Variants in TEAD1 observed in about 807,000 individuals in gnomAD.
The protein encoded by TEAD1 is TEA domain transcription factor 1.
TEAD1 carries 9 observed loss-of-function variants against 54.9 expected under a neutral mutation model. The observed-to-expected ratio is 0.16, with a 90% CI of 0.10 to 0.29. TEAD1 has a LOEUF of 0.29. TEAD1 is among the 10% of genes least tolerant of loss of function. The pLI, the probability that TEAD1 is intolerant of heterozygous loss-of-function variation, is 1.00. For missense variants in TEAD1, 387 were observed against 535.9 expected (o/e 0.72, Z 2.74); for synonymous variants, 200 against 187.8 (o/e 1.07, Z -0.53).
At chr11:12,907,494 CCTTT>C (rs1343766788) in intron 10 of TEAD1, among the ~76,000 whole-genome samples, 12 of 152,102 alleles carry the variant, frequency 7.9e-5, no homozygotes, top group African/African-American at 2.4e-4. Flanking sequence ...TTACTCATTT[CCTTT>C]CTATTTCTTT....
intron 6 of TEAD1, 31 bp downstream of exon 6, chr11:12,879,873 G>T: frequency 6.2e-7 from 1 of 1,611,932 alleles, no homozygotes. Flanking sequence ...AGTAATGACA[G>T]CTGCTGGGGT....
At chr11:12,852,534 G>A (rs944990312) in intron 3 of TEAD1, among the ~76,000 whole-genome samples, 6 of 148,532 alleles carry the variant, frequency 4.0e-5, no homozygotes, top group Non-Finnish European at 8.9e-5. Flanking sequence ...TGCAACCTCC[G>A]CCCCCTTGGT....
At chr11:12,752,312 T>C (rs1564928370) in intron 2 of TEAD1, among the ~76,000 whole-genome samples, 1 of 150,218 alleles carries the variant, frequency 6.7e-6, no homozygotes. Context: ...ATCATCAATA[T>C]TGAGTCCCTT....
intron 2 of TEAD1, among the ~76,000 whole-genome samples, chr11:12,743,811 C>A (rs527859025): frequency 1.3e-5 from 2 of 152,324 alleles, no homozygotes; most frequent in Admixed American, 1.3e-4. Context: ...GGCATTGGCA[C>A]AGTAGAAACT....
intron 3 of TEAD1, among the ~76,000 whole-genome samples, chr11:12,814,777 C>CTGTGTGTGTG (rs397842274): frequency 2.9e-4 from 31 of 106,220 alleles, no homozygotes; most frequent in African/African-American, 9.2e-4. Flanking sequence ...TCGCAGAGCT[C>CTGTGTGTGTG]TGTGTGTGTG....
At chr11:12,719,420 T>C (rs1944132768) in intron 2 of TEAD1, among the ~76,000 whole-genome samples, 1 of 152,102 alleles carries the variant, frequency 6.6e-6, no homozygotes, top group Admixed American at 6.6e-5. Flanking sequence ...CCGCTTTTGC[T>C]CCACCTCATG....
At chr11:12,769,112 C>T (rs1385583399) in intron 3 of TEAD1, among the ~76,000 whole-genome samples, 1 of 152,134 alleles carries the variant, frequency 6.6e-6, no homozygotes, top group African/African-American at 2.4e-5. Flanking sequence ...TCTCCTTTTG[C>T]AAGCAGATGT....
At chr11:12,809,379 T>G (rs1946244354) in intron 3 of TEAD1, among the ~76,000 whole-genome samples, 1 of 152,180 alleles carries the variant, frequency 6.6e-6, no homozygotes, top group Non-Finnish European at 1.5e-5. Flanking sequence ...CCCATTGCTG[T>G]CCCCATTGAC....
intron 5 of TEAD1, among the ~76,000 whole-genome samples, chr11:12,876,913 C>A (rs1947863912): frequency 6.6e-6 from 1 of 152,156 alleles, no homozygotes; most frequent in South Asian, 2.1e-4. Flanking sequence ...CAGGTAAAGC[C>A]ACAGAATAGC....
intron 2 of TEAD1, among the ~76,000 whole-genome samples, chr11:12,738,963 CTGTGGAA>C (rs1564923561): frequency 6.6e-6 from 1 of 152,106 alleles, no homozygotes; most frequent in African/African-American, 2.4e-5. Flanking sequence ...GGGCATGGTG[CTGTGGAA>C]ACAGGCACAG....
chr11:12,842,980 A>G (rs1947071511), intron 3 of TEAD1, among the ~76,000 whole-genome samples: 1 of 152,184 alleles, frequency 6.6e-6, no homozygotes, highest in African/African-American at 2.4e-5. Context: ...TTCTAATTTC[A>G]CTAAACTAAC....
chr11:12,937,233 T>C lies in TEAD1; in HGVS notation c.*11T>C. On this transcript the variant is annotated 3_prime_UTR_variant, in exon 13 of 13. Coordinates refer to ENST00000527636, the MANE Select transcript of TEAD1 (RefSeq NM_021961.6). ...CTTGTAAAGGACTGAACATGGTTAT[T>C]TATATATATAGATATCTGTATATAC... The C allele has an allele frequency of 6.4e-7, 1 of 1,561,740 alleles. No individual in the cohort carries two copies. The highest frequency in any genetic ancestry group is 8.8e-7 in the Non-Finnish European group (1 of 1,133,668).
intron 2 of TEAD1, among the ~76,000 whole-genome samples, chr11:12,727,252 A>G (rs1206288670): frequency 6.6e-6 from 1 of 152,162 alleles, no homozygotes; most frequent in Non-Finnish European, 1.5e-5. Context: ...AAATGAGTCT[A>G]CTAGAAACTG....
intron 9 of TEAD1, among the ~76,000 whole-genome samples, chr11:12,883,831 G>T (rs942207383): frequency 1.3e-5 from 2 of 152,012 alleles, no homozygotes; most frequent in African/African-American, 4.8e-5. Flanking sequence ...GGCCAACATG[G>T]TGAAACCCCG....
intron 3 of TEAD1, among the ~76,000 whole-genome samples, chr11:12,798,893 G>T (rs1309570165): frequency 6.6e-6 from 1 of 152,164 alleles, no homozygotes; most frequent in Non-Finnish European, 1.5e-5. Flanking sequence ...TCCACGAATT[G>T]GTTTGCCTTT....
chr11:12,923,740 C>T (rs960698230), intron 10 of TEAD1, among the ~76,000 whole-genome samples: 2 of 152,168 alleles, frequency 1.3e-5, no homozygotes, highest in Non-Finnish European at 2.9e-5. Context: ...ACATGAAGGG[C>T]CAGAGAGAGC....
At chr11:12,772,971 T>A (rs1210714364) in intron 3 of TEAD1, among the ~76,000 whole-genome samples, 3 of 152,224 alleles carry the variant, frequency 2.0e-5, no homozygotes, top group Non-Finnish European at 4.4e-5. Flanking sequence ...ACCACCGATC[T>A]GTCCTCTGTT....
In TEAD1 at chr11:12,940,771, T is replaced by C. The variant is rs576540754; in HGVS notation, c.*3549T>C. 2.0e-5 allele frequency: 3 copies of C among 152,334 alleles called. No individual in the cohort carries two copies. In the South Asian group the frequency reaches 6.2e-4, roughly 32 times the overall value. 9.4% of individuals were successfully genotyped at this position (152,334 alleles called of 1,614,324 possible). ...CTCGTGGGTCTCATTATCAAACCTT[T>C]ACTTATTTCGGCATATTTCCTCTGG... On this transcript the variant is annotated 3_prime_UTR_variant, in exon 13 of 13. Coordinates refer to ENST00000527636, the MANE Select transcript of TEAD1 (RefSeq NM_021961.6).
rs960856953 is a variant in TEAD1 at position 12,879,573 on chromosome 11, A to T, written c.331-135A>T. The T allele has an allele frequency of 2.9e-6, 3 of 1,025,902 alleles. No individual in the cohort carries two copies. The African/African-American group carries it at 4.7e-5, about 16-fold the overall frequency. 63.5% of individuals were successfully genotyped at this position (1,025,902 alleles called of 1,614,324 possible). A position where few individuals can be genotyped will look rare whatever the true frequency, so the allele number is the denominator to read the frequency against. ...GTTTAGCCTTCTGGCTGTGTTATTT[A>T]TCCATGCATGTTTGCTTTTTTTGGC... On this transcript the variant is annotated intron_variant, in intron 5 of 12. Transcript: ENST00000527636.
Sources: allele counts gnomAD v4.1 joint callset (sites outside exome capture counted in the v4.1 genomes callset), GRCh38; gene constraint gnomAD v4.1.1; transcripts MANE v1.5; gene names NCBI Gene and HGNC (gene_info 2026-07-23, HGNC 2026-07-21).